Variants in PTPRJ observed in about 807,000 individuals in gnomAD.
PTPRJ encodes protein tyrosine phosphatase receptor type J.
A neutral mutation model predicts 141.3 loss-of-function variants in PTPRJ; 129 were observed. The observed-to-expected ratio is 0.91, with a 90% CI of 0.79 to 1.06. The LOEUF (loss-of-function observed/expected upper bound fraction) is 1.06. Among genes scored for constraint, PTPRJ ranks in the 50% least tolerant of loss-of-function variants. PTPRJ has a pLI of 0.00. For missense variants in PTPRJ, 1,601 were observed against 1,679.7 expected (o/e 0.95, Z 0.82); for synonymous variants, 610 against 640.5 (o/e 0.95, Z 0.72).
At position 48,139,622 on chromosome 11, in the gene PTPRJ, C is replaced by A. The variant is rs1857187483; in HGVS notation, c.2289C>A (p.Thr763=). The part of the protein sequence containing the change: ...EVSSGAWNNA[T]HLESCSSENG... ...GCAGTGGAGCCTGGAACAATGCGACCCACCTGGAGAGCTGCTCCTCTGAGA... is the reference window on the plus strand; with the variant it reads ...GCAGTGGAGCCTGGAACAATGCGACACACCTGGAGAGCTGCTCCTCTGAGA... The change falls in exon 11 of 25, where the codon ACC becomes ACA. Residue 763 remains threonine, a synonymous_variant. Coordinates refer to ENST00000418331, the MANE Select transcript of PTPRJ (RefSeq NM_002843.4). 3 of 1,614,106 alleles carry A rather than the reference C, an allele frequency of 1.9e-6. No homozygotes were observed. The highest frequency in any genetic ancestry group is 2.2e-5 in the South Asian group (2 of 91,084).
intron 1 of PTPRJ, among the ~76,000 whole-genome samples, chr11:48,086,977 A>G (rs1284341157): frequency 6.6e-6 from 1 of 152,234 alleles, no homozygotes; most frequent in Non-Finnish European, 1.5e-5. Flanking sequence ...AATGCATGTC[A>G]AGCACTGAGC....
At chr11:48,012,095 C>T (rs1229848502) in intron 1 of PTPRJ, among the ~76,000 whole-genome samples, 1 of 152,068 alleles carries the variant, frequency 6.6e-6, no homozygotes, top group Non-Finnish European at 1.5e-5. Flanking sequence ...TGTGGGGAGT[C>T]CTGTGAGTTC....
At chr11:48,104,608 GGA>G (rs1380474644) in intron 1 of PTPRJ, among the ~76,000 whole-genome samples, 1 of 152,182 alleles carries the variant, frequency 6.6e-6, no homozygotes, top group African/African-American at 2.4e-5. Context: ...CAGAAAACCT[GGA>G]GAGCTTTGTC....
intron 1 of PTPRJ, among the ~76,000 whole-genome samples, chr11:48,084,053 GGA>G (rs1277390854): frequency 6.6e-6 from 1 of 152,200 alleles, no homozygotes; most frequent in Non-Finnish European, 1.5e-5. Flanking sequence ...AGAAGAATTT[GGA>G]GGAAAGAGAG....
At chr11:48,145,494 A>C (rs929103040) in intron 14 of PTPRJ, among the ~76,000 whole-genome samples, 26 of 151,944 alleles carry the variant, frequency 1.7e-4, no homozygotes, top group African/African-American at 5.8e-4. Flanking sequence ...TGTCTTGTTC[A>C]ATCCTCTGTT....
intron 10 of PTPRJ, among the ~76,000 whole-genome samples, chr11:48,138,092 T>C (rs1857145974): frequency 6.6e-6 from 1 of 152,194 alleles, no homozygotes; most frequent in African/African-American, 2.4e-5. Flanking sequence ...TCTTCCCTTT[T>C]TAGCCCAGGC....
chr11:47,993,612 ATAACT>A (rs1203032446), intron 1 of PTPRJ, among the ~76,000 whole-genome samples: 1 of 152,032 alleles, frequency 6.6e-6, no homozygotes, highest in Non-Finnish European at 1.5e-5. Flanking sequence ...AGTTTAAATG[ATAACT>A]TAATGACCAC....
intron 1 of PTPRJ, among the ~76,000 whole-genome samples, chr11:48,068,612 G>C (rs751202801): frequency 6.6e-6 from 1 of 152,208 alleles, no homozygotes; most frequent in Non-Finnish European, 1.5e-5. Flanking sequence ...TGCAGCATGA[G>C]AACAGACTAA....
rs1368644343 is a variant in PTPRJ, at chr11:48,167,398, C to T, written c.*36C>T. 1.1e-5 allele frequency: 17 copies of T among 1,595,282 alleles called. No homozygotes were observed. The highest frequency in any genetic ancestry group is 3.4e-5 in the Admixed American group (2 of 58,132). The stretch of plus-strand genomic sequence containing the variant: ...ATAACCTTTCTGGAGTGAACCAGAC[C>T]GTCGCACCCACAGCGAAGGCACATG... On this transcript the variant is annotated 3_prime_UTR_variant, in exon 25 of 25. Coordinates refer to ENST00000418331, the MANE Select transcript of PTPRJ (RefSeq NM_002843.4).
chr11:48,143,516 C>T (rs994351432), intron 12 of PTPRJ, among the ~76,000 whole-genome samples: 13 of 152,296 alleles, frequency 8.5e-5, no homozygotes, highest in African/African-American at 2.6e-4. Flanking sequence ...ACTCTACACA[C>T]GTACACACAT....
chr11:47,985,343 G>A (rs777364704), intron 1 of PTPRJ, among the ~76,000 whole-genome samples: 17 of 150,314 alleles, frequency 1.1e-4, no homozygotes, highest in South Asian at 4.2e-4. Context: ...ATGGTGTCTC[G>A]CTATGTTGCC....
intron 1 of PTPRJ, among the ~76,000 whole-genome samples, chr11:48,001,410 A>C (rs1180649337): frequency 2.7e-5 from 4 of 148,974 alleles, no homozygotes; most frequent in Admixed American, 6.7e-5. Context: ...TGGGGATCAT[A>C]ATAATCCTGC....
intron 15 of PTPRJ, among the ~76,000 whole-genome samples, chr11:48,148,064 C>T (rs1481086895): frequency 1.3e-5 from 2 of 152,014 alleles, no homozygotes; most frequent in East Asian, 1.9e-4. Flanking sequence ...AGGCTGGTCT[C>T]GAACTCCTGA....
chr11:47,994,704 T>C (rs1228258420), intron 1 of PTPRJ, among the ~76,000 whole-genome samples: 2 of 151,904 alleles, frequency 1.3e-5, no homozygotes, highest in Non-Finnish European at 2.9e-5. Context: ...AAAAAAACAA[T>C]TGAGGTGGAT....
At chr11:48,030,011 G>T (rs887403190) in intron 1 of PTPRJ, among the ~76,000 whole-genome samples, 9 of 152,136 alleles carry the variant, frequency 5.9e-5, no homozygotes, top group African/African-American at 2.2e-4. Flanking sequence ...TTAGAAAAAG[G>T]CTTAGTATCT....
chr11:47,996,290 G>A (rs1054957244), intron 1 of PTPRJ, among the ~76,000 whole-genome samples: 14 of 141,772 alleles, frequency 9.9e-5, no homozygotes, highest in East Asian at 2.1e-4. Context: ...AGCCAAGATC[G>A]CACCACTGCA....
At chr11:48,119,932 TTTACAGTTAGTAACCCTGA>T (rs1417055204) in intron 3 of PTPRJ, among the ~76,000 whole-genome samples, 1 of 152,190 alleles carries the variant, frequency 6.6e-6, no homozygotes, top group Non-Finnish European at 1.5e-5. Flanking sequence ...ATTTGGTAGT[TTTACAGTTAGTAACCCTGA>T]TGGCTTCCAC....
chr11:48,150,243 A>T, intron 18 of PTPRJ, 60 bp downstream of exon 18: 2 of 1,450,204 alleles, frequency 1.4e-6, no homozygotes, highest in Non-Finnish European at 1.9e-6. Flanking sequence ...CTGGGATCTG[A>T]GGGGAGTTGG....
At chr11:48,145,556 A>ATTTTT (rs1857330286) in intron 14 of PTPRJ, among the ~76,000 whole-genome samples, 1 of 74,574 alleles carries the variant, frequency 1.3e-5, no homozygotes, top group African/African-American at 4.2e-5. Flanking sequence ...ATTTTATTTT[A>ATTTTT]TGTTTTTTTT....
Sources: allele counts gnomAD v4.1 joint callset (sites outside exome capture counted in the v4.1 genomes callset), GRCh38; gene constraint gnomAD v4.1.1; transcripts MANE v1.5; gene names NCBI Gene and HGNC (gene_info 2026-07-23, HGNC 2026-07-21).